Variants in MTMR3 observed in about 807,000 individuals in gnomAD.
The protein encoded by MTMR3 is phosphatidylinositol-3,5-bisphosphate 3-phosphatase MTMR3.
In MTMR3, 32 loss-of-function variants were observed where a neutral mutation model predicts 132.4. That is an observed-to-expected ratio of 0.24 (90% confidence interval 0.18 to 0.32). The LOEUF (loss-of-function observed/expected upper bound fraction) is 0.32, where lower values mean the gene tolerates loss of function less well. MTMR3 is among the 10% of genes least tolerant of loss of function. The probability of loss-of-function intolerance (pLI) is 1.00; values close to 1 mark genes in which losing one functional copy is unlikely to be tolerated. For missense variants in MTMR3, 1,216 were observed against 1,489.6 expected (o/e 0.82, Z 3.02); for synonymous variants, 556 against 550.3 (o/e 1.01, Z -0.14).
At chr22:29,957,982 G>A (rs2066233737) in intron 2 of MTMR3, among the ~76,000 whole-genome samples, 1 of 150,640 alleles carries the variant, frequency 6.6e-6, no homozygotes, top group African/African-American at 2.4e-5. Flanking sequence ...TACATACGTA[G>A]AGGAAAAACT....
intron 4 of MTMR3, 37 bp from the exon 5 acceptor site, chr22:29,978,899 T>A: frequency 7.1e-7 from 1 of 1,412,444 alleles, no homozygotes; most frequent in Non-Finnish European, 9.8e-7. Context: ...TTTTTTTAAC[T>A]GCTTCAGAAC....
chr22:29,955,632 CAT>C (rs1383939472), intron 1 of MTMR3, among the ~76,000 whole-genome samples: 1 of 152,172 alleles, frequency 6.6e-6, no homozygotes, highest in Non-Finnish European at 1.5e-5. Flanking sequence ...AGTTATAAAA[CAT>C]AAAAGTTATT....
chr22:29,913,629 T>C (rs2065254953), intron 1 of MTMR3, among the ~76,000 whole-genome samples: 1 of 152,252 alleles, frequency 6.6e-6, no homozygotes. Context: ...ATCATTCATA[T>C]TGTTAAAAGC....
At chr22:29,971,846 T>C (rs750053775) in intron 3 of MTMR3, among the ~76,000 whole-genome samples, 1 of 152,138 alleles carries the variant, frequency 6.6e-6, no homozygotes, top group Non-Finnish European at 1.5e-5. Context: ...AAAAAAGAAA[T>C]GGTCCTCTGT....
At chr22:29,896,047 C>CGCCTGT (rs2064888797) in intron 1 of MTMR3, among the ~76,000 whole-genome samples, 1 of 152,176 alleles carries the variant, frequency 6.6e-6, no homozygotes, top group Non-Finnish European at 1.5e-5. Context: ...TGGTAGCCCA[C>CGCCTGT]GCCTGTATTC....
chr22:29,936,785 C>A (rs956151976), intron 1 of MTMR3, among the ~76,000 whole-genome samples: 1 of 152,098 alleles, frequency 6.6e-6, no homozygotes, highest in Non-Finnish European at 1.5e-5. Flanking sequence ...TTTGTAAATT[C>A]TCTGTATTTT....
At chr22:29,956,703 G>C (rs76154871) in intron 1 of MTMR3, among the ~76,000 whole-genome samples, 52 of 152,244 alleles carry the variant, frequency 3.4e-4, no homozygotes, top group African/African-American at 1.1e-3. Flanking sequence ...ACCTGTTCCT[G>C]TATTGGCAAC....
At chr22:29,946,499 C>T (rs1047441772) in intron 1 of MTMR3, among the ~76,000 whole-genome samples, 6 of 152,124 alleles carry the variant, frequency 3.9e-5, no homozygotes, top group African/African-American at 1.4e-4. Context: ...CAGGTCAGGC[C>T]TGTTCATGAA....
rs866963537 is a variant in MTMR3 at position 29,896,869 on chromosome 22, T to A, written c.-138+13510T>A. 5.8e-3 allele frequency among the ~76,000 whole-genome samples: 797 copies of A among 138,172 alleles called. 9 individuals are homozygous for A. Among genetic ancestry groups the A allele is most frequent in the African/African-American group, 0.017 (626 of 37,502 alleles). 90.6% of individuals were successfully genotyped at this position (138,172 alleles called of 152,430 possible). A position where few individuals can be genotyped will look rare whatever the true frequency, so the allele number is the denominator to read the frequency against. On this transcript the variant is annotated intron_variant, in intron 1 of 19. Transcript: ENST00000401950. ...TATAGTACAGAATAACAGGCTTGTC[T>A]CACACACACACACACACACACACAC...
intron 1 of MTMR3, among the ~76,000 whole-genome samples, chr22:29,945,555 T>C (rs748684985): frequency 1.3e-5 from 2 of 149,948 alleles, no homozygotes; most frequent in African/African-American, 2.5e-5. Context: ...AAAAAAAAAA[T>C]GTAGCCAGGC....
intron 1 of MTMR3, among the ~76,000 whole-genome samples, chr22:29,954,711 A>G (rs886725784): frequency 1.3e-5 from 2 of 152,216 alleles, no homozygotes; most frequent in East Asian, 1.9e-4. Flanking sequence ...TACAGCAGAT[A>G]TAGTGATTTT....
At chr22:29,921,277 CTT>C (rs1408993928) in intron 1 of MTMR3, among the ~76,000 whole-genome samples, 1 of 152,030 alleles carries the variant, frequency 6.6e-6, no homozygotes, top group Non-Finnish European at 1.5e-5. Context: ...GTGCTAGGCT[CTT>C]TTTAAACAAC....
chr22:29,983,638 T>A (rs2066798342), intron 5 of MTMR3: 1 of 150,806 alleles, frequency 6.6e-6, no homozygotes, highest in Non-Finnish European at 1.5e-5. Context: ...ATTAGTGGGT[T>A]TTTGGTGGTT....
chr22:29,896,879 A>T (rs1039726690), intron 1 of MTMR3, among the ~76,000 whole-genome samples: 12 of 150,424 alleles, frequency 8.0e-5, no homozygotes, highest in East Asian at 1.9e-4. Context: ...TCACACACAC[A>T]CACACACACA....
chr22:29,921,747 G>A (rs892182544), intron 1 of MTMR3, among the ~76,000 whole-genome samples: 2 of 151,024 alleles, frequency 1.3e-5, no homozygotes, highest in Non-Finnish European at 1.5e-5. Flanking sequence ...TTTAACTACC[G>A]TACATACCTC....
At position 30,016,297 on chromosome 22, in the gene MTMR3, C is replaced by T. The variant is rs897974724; in HGVS notation, c.1504-231C>T. Reference sequence around the variant, plus strand: ...ATTCACAATCTCAGACTATTTATCACGGAAGCTAAGAGGAATAGGGGCACC... The same window carrying T: ...ATTCACAATCTCAGACTATTTATCATGGAAGCTAAGAGGAATAGGGGCACC... On this transcript the variant is annotated intron_variant, in intron 14 of 19. Transcript: ENST00000401950. 7.7e-5 allele frequency: 36 copies of T among 469,976 alleles called. No homozygotes were observed. In the Admixed American group the frequency reaches 8.2e-4, roughly 11 times the overall value. 29.1% of individuals were successfully genotyped at this position (469,976 alleles called of 1,614,324 possible). A position where few individuals can be genotyped will look rare whatever the true frequency, so the allele number is the denominator to read the frequency against.
At chr22:29,987,662 C>G (rs1440383874) in intron 5 of MTMR3, 1 of 152,218 alleles carries the variant, frequency 6.6e-6, no homozygotes, top group Non-Finnish European at 1.5e-5. Flanking sequence ...TGTCTAGATG[C>G]TTTTGCTTCT....
Position 29,943,200 on chromosome 22 carries a change from C to CT in MTMR3, c.-137-13826dup, listed in dbSNP as rs1021777358. Among the ~76,000 whole-genome samples, 629 of 148,720 alleles carry CT rather than the reference C, an allele frequency of 4.2e-3. 5 individuals carry two copies. Among genetic ancestry groups the CT allele is most frequent in the African/African-American group, 0.013 (548 of 40,640 alleles). ...ATGATGTGTGTATTTTTCTTTTTTT[C>CT]TTTTTTTTTTGAGACAGAGTCTCAC... On this transcript the variant is annotated intron_variant, in intron 1 of 19. Transcript: ENST00000401950.
At chr22:30,004,170 G>A (rs759853645) in intron 9 of MTMR3, 1 of 152,230 alleles carries the variant, frequency 6.6e-6, no homozygotes, top group African/African-American at 2.4e-5. Context: ...GACACCCCTA[G>A]AAAAGTCAGT....
Sources: gnomAD v4.1 joint callset for allele counts (sites outside exome capture counted in the v4.1 genomes callset) on GRCh38, gnomAD v4.1.1 for gene constraint, MANE v1.5 for transcripts, NCBI Gene and HGNC (gene_info 2026-07-23, HGNC 2026-07-21) for gene names.